The following DCDC2 variants were observed in gnomAD, a reference collection of about 807,000 sequenced individuals.
The protein encoded by DCDC2 is doublecortin domain containing 2.
Under a neutral mutation model 50.2 loss-of-function variants are expected in DCDC2, and 40 were observed. That is an observed-to-expected ratio of 0.80 (90% confidence interval 0.62 to 1.04). The LOEUF (loss-of-function observed/expected upper bound fraction) is 1.04. DCDC2 is among the 50% of genes least tolerant of loss of function. The pLI, the probability that DCDC2 is intolerant of heterozygous loss-of-function variation, is 0.00. For missense variants in DCDC2, 570 were observed against 581.9 expected (o/e 0.98, Z 0.21); for synonymous variants, 234 against 210.6 (o/e 1.11, Z -0.96).
At chr6:24,226,167 C>T (rs1304539986) in intron 7 of DCDC2, among the ~76,000 whole-genome samples, 2 of 152,128 alleles carry the variant, frequency 1.3e-5, no homozygotes, top group Non-Finnish European at 2.9e-5. Flanking sequence ...TCCACAGAAA[C>T]CTATGCCTCA....
At chr6:24,213,231 C>T (rs1226977003) in intron 7 of DCDC2, among the ~76,000 whole-genome samples, 2 of 152,118 alleles carry the variant, frequency 1.3e-5, no homozygotes, top group African/African-American at 4.8e-5. Flanking sequence ...AAACTAATAT[C>T]ATAATGTCCA....
intron 2 of DCDC2, among the ~76,000 whole-genome samples, chr6:24,313,160 T>C (rs1475409099): frequency 1.3e-5 from 2 of 152,228 alleles, no homozygotes; most frequent in African/African-American, 4.8e-5. Context: ...AAGCCTCAAG[T>C]GTACTAACTT....
Position 24,327,483 on chromosome 6 carries a change from T to TATTTATTTATTG in DCDC2, c.349-25440_349-25439insCAATAAATAAAT, listed in dbSNP as rs1554119342. On this transcript the variant is annotated intron_variant, in intron 2 of 9. Transcript: ENST00000378454. The stretch of plus-strand genomic sequence containing the variant: ...TTATTTATTTATTTATTTATTTATT[T>TATTTATTTATTG]ATTGGCTGATACGGAGTTTTGCTCT... Among the ~76,000 whole-genome samples, 712 of 144,122 alleles carry TATTTATTTATTG rather than the reference T, an allele frequency of 4.9e-3. 15 individuals are homozygous for TATTTATTTATTG. The highest frequency in any genetic ancestry group is 0.017 in the African/African-American group (651 of 37,910). 94.5% of individuals were successfully genotyped at this position (144,122 alleles called of 152,430 possible).
intron 7 of DCDC2, among the ~76,000 whole-genome samples, chr6:24,251,767 G>A (rs936839231): frequency 1.1e-4 from 16 of 152,122 alleles, no homozygotes; most frequent in African/African-American, 3.9e-4. Flanking sequence ...GATTCTGTAT[G>A]CATCTGTTAT....
At chr6:24,202,009 A>T (rs540056027) in intron 8 of DCDC2, among the ~76,000 whole-genome samples, 22 of 152,316 alleles carry the variant, frequency 1.4e-4, no homozygotes, top group African/African-American at 5.3e-4. Flanking sequence ...CCAGCCAAAA[A>T]AAAAGCCCAG....
At chr6:24,331,240 A>G (rs1289822947) in intron 2 of DCDC2, among the ~76,000 whole-genome samples, 2 of 152,118 alleles carry the variant, frequency 1.3e-5, no homozygotes, top group South Asian at 2.1e-4. Context: ...TTGCTTATAC[A>G]GTGTTAATAA....
intron 7 of DCDC2, among the ~76,000 whole-genome samples, chr6:24,207,504 T>A (rs924360843): frequency 6.6e-6 from 1 of 152,186 alleles, no homozygotes; most frequent in Admixed American, 6.5e-5. Context: ...AATGAATAGA[T>A]ACTATTCATC....
At chr6:24,361,868 C>G (rs1317773273), upstream of DCDC2, among the ~76,000 whole-genome samples, 1 of 152,134 alleles carries the variant, frequency 6.6e-6, no homozygotes, top group African/African-American at 2.4e-5. Flanking sequence ...GTCTCCTGAG[C>G]TTAGATTCAT....
chr6:24,248,819 A>T (rs1762739331), intron 7 of DCDC2, among the ~76,000 whole-genome samples: 1 of 152,214 alleles, frequency 6.6e-6, no homozygotes, highest in African/African-American at 2.4e-5. Context: ...ATATTAAATT[A>T]AAAATGGAGC....
chr6:24,310,925 T>A (rs1012024798), intron 2 of DCDC2, among the ~76,000 whole-genome samples: 4 of 152,178 alleles, frequency 2.6e-5, no homozygotes, highest in African/African-American at 9.7e-5. Flanking sequence ...CCTTCTTACC[T>A]GCCCCCACAG....
At chr6:24,258,723 A>G (rs1363599562) in intron 7 of DCDC2, among the ~76,000 whole-genome samples, 1 of 152,162 alleles carries the variant, frequency 6.6e-6, no homozygotes, top group African/African-American at 2.4e-5. Flanking sequence ...GAGGTCACAC[A>G]CATAACTCTG....
intron 7 of DCDC2, among the ~76,000 whole-genome samples, chr6:24,232,719 G>T (rs1176897330): frequency 6.6e-6 from 1 of 151,980 alleles, no homozygotes; most frequent in Admixed American, 6.6e-5. Context: ...TTATAACATT[G>T]CTTTAGTGAA....
rs148561076 is a variant in DCDC2, at chr6:24,186,995, C to T, written c.1024-8363G>A. On this transcript the variant is annotated intron_variant, in intron 8 of 9. Coordinates refer to ENST00000378454, the MANE Select transcript of DCDC2 (RefSeq NM_016356.5). Reference sequence around the variant, plus strand: ...GATCTCAGACTTTGGGCCTCCAGAGCTGTGAGAAAATAAATGTCTGCTGTT... The same window carrying T: ...GATCTCAGACTTTGGGCCTCCAGAGTTGTGAGAAAATAAATGTCTGCTGTT... Among the ~76,000 whole-genome samples the T allele has an allele frequency of 2.8e-3, 424 of 152,286 alleles. 2 individuals carry two copies. The highest frequency in any genetic ancestry group is 9.8e-3 in the African/African-American group (407 of 41,542).
intron 2 of DCDC2, among the ~76,000 whole-genome samples, chr6:24,316,614 C>G (rs1759672722): frequency 6.6e-6 from 1 of 152,156 alleles, no homozygotes; most frequent in South Asian, 2.1e-4. Context: ...AACTACCTTA[C>G]TGATAACATT....
At chr6:24,227,758 G>A (rs530319897) in intron 7 of DCDC2, among the ~76,000 whole-genome samples, 4 of 152,326 alleles carry the variant, frequency 2.6e-5, no homozygotes, top group East Asian at 3.9e-4. Context: ...CCGTCTGCCC[G>A]TTTATCAGCT....
chr6:24,294,850 G>A (rs1454181371), intron 4 of DCDC2, among the ~76,000 whole-genome samples: 1 of 152,004 alleles, frequency 6.6e-6, no homozygotes, highest in Non-Finnish European at 1.5e-5. Context: ...ATCAAAAAAA[G>A]CCTCGGACCA....
intron 6 of DCDC2, among the ~76,000 whole-genome samples, chr6:24,285,405 A>T (rs1480036329): frequency 6.6e-6 from 1 of 152,086 alleles, no homozygotes; most frequent in African/African-American, 2.4e-5. Flanking sequence ...ATTGTCTTTC[A>T]TATTACTGTG....
chr6:24,328,473 A>T (rs1759913295), intron 2 of DCDC2, among the ~76,000 whole-genome samples: 1 of 152,204 alleles, frequency 6.6e-6, no homozygotes, highest in South Asian at 2.1e-4. Flanking sequence ...GAATGTCCCA[A>T]GAGTTGAGAA....
intron 5 of DCDC2, among the ~76,000 whole-genome samples, chr6:24,290,316 G>A (rs980177967): frequency 1.7e-4 from 26 of 152,050 alleles, no homozygotes; most frequent in African/African-American, 5.1e-4. Flanking sequence ...GAGTGACTCC[G>A]CAGTGTATCT....
Sources: gnomAD v4.1 joint callset for allele counts (sites outside exome capture counted in the v4.1 genomes callset) on GRCh38, gnomAD v4.1.1 for gene constraint, MANE v1.5 for transcripts, NCBI Gene and HGNC (gene_info 2026-07-23, HGNC 2026-07-21) for gene names.